The following DST variants were observed in gnomAD, a reference collection of about 807,000 sequenced individuals.
The protein encoded by DST is dystonin.
Under a neutral mutation model 875.2 loss-of-function variants are expected in DST, and 253 were observed. That is an observed-to-expected ratio of 0.29 (90% CI 0.26 to 0.32). The LOEUF is 0.32. Ranked by LOEUF, DST falls within the 10% of genes least tolerant of loss-of-function variation. The pLI is 1.00. For missense variants in DST, 8,287 were observed against 9,111.6 expected, an observed-to-expected ratio of 0.91 and a Z score of 3.68; for synonymous variants, 3,124 against 3,197.1, an observed-to-expected ratio of 0.98 and a Z score of 0.77.
At position 56,572,931 on chromosome 6, in the gene DST, C is replaced by T. The variant is rs776588668; in HGVS notation, c.13370G>A (p.Arg4457Gln). Residue 4457 changes from arginine to glutamine, a missense_variant, in exon 52 of 104, where the codon CGG becomes CAG. Arg to Gln is a conservative substitution (Grantham distance 43, BLOSUM62 1). Around this residue, in one of 10 missense-constraint regions of DST, gnomAD observed 1,513 missense variants for 1,677.8 expected, o/e 0.90. Coordinates refer to ENST00000680361, the MANE Select transcript of DST (RefSeq NM_001374736.1). Reference sequence around the variant, plus strand: ...GTGTTTATGACTTGCTTCTGAAAACCGAGCAGACAAGTCTTTCATTTTGGC... The same window carrying T: ...GTGTTTATGACTTGCTTCTGAAAACTGAGCAGACAAGTCTTTCATTTTGGC... The part of the protein sequence containing the change: ...LQAKMKDLSA[R>Q]FSEASHKHKE... The T allele has an allele frequency of 2.0e-5, 33 of 1,613,026 alleles. No homozygotes were observed. Among genetic ancestry groups the T allele is most frequent in the South Asian group, 4.4e-5 (4 of 90,970 alleles).
intron 12 of DST, among the ~76,000 whole-genome samples, chr6:56,650,392 C>G (rs1407599564): frequency 7.1e-6 from 1 of 140,408 alleles, no homozygotes; most frequent in East Asian, 2.2e-4. Flanking sequence ...AAATAGTAGA[C>G]TAATAAACAG....
At chr6:56,521,278 T>C (rs9475713) in intron 69 of DST, among the ~76,000 whole-genome samples, 100,193 of 151,452 alleles carry the variant, frequency 0.66, 33,619 homozygotes, top group Non-Finnish European at 0.7. Context: ...CCTTTCTACC[T>C]GAGTGTAAAT....
chr6:56,549,739 G>A lies in DST; in HGVS notation c.16608+2445C>T, dbSNP rs145996725. ...GTTTTATAGAACATGTTCCTTAAGTGGGTGTTCTTGGTATTTTGGATTAAA... is the reference window on the plus strand; with the variant it reads ...GTTTTATAGAACATGTTCCTTAAGTAGGTGTTCTTGGTATTTTGGATTAAA... On this transcript the variant is annotated intron_variant, in intron 61 of 103. Coordinates refer to ENST00000680361, the MANE Select transcript of DST (RefSeq NM_001374736.1). 1.9e-3 allele frequency among the ~76,000 whole-genome samples: 282 copies of A among 152,242 alleles called. 2 individuals are homozygous for A. The highest frequency in any genetic ancestry group is 6.1e-3 in the African/African-American group (252 of 41,538).
Position 56,947,193 on chromosome 6 carries a change from A to G in DST, c.216+6592T>C, listed in dbSNP as rs1258977029. On this transcript the variant is annotated intron_variant, in intron 2 of 103. Coordinates refer to ENST00000680361, the MANE Select transcript of DST (RefSeq NM_001374736.1). ...CCCTGGGTGAAAGAAGAGTGATTGG[A>G]CGGTTTTGTTATAGTTGCTGGAAAA... Among the ~76,000 whole-genome samples, 7 of 151,010 alleles carry G rather than the reference A, an allele frequency of 4.6e-5. No individual in the cohort carries two copies. The East Asian group carries it at 1.4e-3, about 29-fold the overall frequency.
chr6:56,655,912 G>T (rs2099005409), intron 10 of DST, among the ~76,000 whole-genome samples: 1 of 152,102 alleles, frequency 6.6e-6, no homozygotes, highest in African/African-American at 2.4e-5. Context: ...TTGAACCATG[G>T]GCTTCCTGAA....
At position 56,755,543 on chromosome 6, in the gene DST, T is replaced by C. The variant is rs574557367; in HGVS notation, c.626-20254A>G. ...GAGGTACTACTCAATGAGAGCAGCT[T>C]ATCCTTATCACTGATCTCGTAATCA... is the stretch of plus-strand genomic sequence containing the variant. On this transcript the variant is annotated intron_variant, in intron 4 of 103. Coordinates refer to ENST00000680361, the MANE Select transcript of DST (RefSeq NM_001374736.1). 7.2e-5 allele frequency among the ~76,000 whole-genome samples: 11 copies of C among 152,328 alleles called. No individual in the cohort carries two copies. In the South Asian group the frequency reaches 2.3e-3, roughly 32 times the overall value.
intron 67 of DST, among the ~76,000 whole-genome samples, 154 bp downstream of exon 67, chr6:56,528,687 C>T (rs1022398631): frequency 4.1e-4 from 62 of 152,164 alleles, no homozygotes; most frequent in African/African-American, 1.4e-3. Context: ...ATCCTAACCA[C>T]CCCCTTGATT....
intron 2 of DST, among the ~76,000 whole-genome samples, chr6:56,936,735 C>A (rs536453714): frequency 1.3e-5 from 2 of 151,742 alleles, no homozygotes; most frequent in African/African-American, 2.4e-5. Flanking sequence ...AAAGGGAATC[C>A]GAAAGTACTA....
At chr6:56,927,531 A>G (rs1193959269) in intron 2 of DST, among the ~76,000 whole-genome samples, 1 of 152,220 alleles carries the variant, frequency 6.6e-6, no homozygotes, top group Non-Finnish European at 1.5e-5. Flanking sequence ...TAGAATCAGT[A>G]GTGCATTAAA....
chr6:56,669,057 C>G (rs2099086155), intron 10 of DST, among the ~76,000 whole-genome samples: 1 of 151,748 alleles, frequency 6.6e-6, no homozygotes, highest in African/African-American at 2.4e-5. Context: ...ATAACAATTC[C>G]TGCTTTATGA....
At chr6:56,824,781 T>C (rs1376835950) in intron 4 of DST, among the ~76,000 whole-genome samples, 2 of 150,782 alleles carry the variant, frequency 1.3e-5, no homozygotes, top group African/African-American at 4.9e-5. Context: ...AGCTGCCCCG[T>C]CTGAGAAGTG....
intron 3 of DST, among the ~76,000 whole-genome samples, chr6:56,886,646 A>G (rs1404437054): frequency 2.0e-5 from 3 of 152,076 alleles, no homozygotes; most frequent in Non-Finnish European, 2.9e-5. Context: ...GTGGTGGCAC[A>G]TGCCTGTAAT....
intron 72 of DST, among the ~76,000 whole-genome samples, chr6:56,514,051 T>G (rs2096539885): frequency 6.6e-6 from 1 of 152,224 alleles, no homozygotes; most frequent in Non-Finnish European, 1.5e-5. Context: ...CTACAAAGTT[T>G]TGTACCTCCC....
In DST at chr6:56,494,194, C is replaced by CAATTTATATCACTTTATAAAAGTAACA; in HGVS notation, c.20224-15_20224-14insTGTTACTTTTATAAAGTGATATAAATT. The CAATTTATATCACTTTATAAAAGTAACA allele has an allele frequency of 6.3e-7, 1 of 1,586,178 alleles. No homozygotes were observed. Among genetic ancestry groups the CAATTTATATCACTTTATAAAAGTAACA allele is most frequent in the Non-Finnish European group, 8.6e-7 (1 of 1,165,418 alleles). ...AGCACAGACTTCCTAAATTGAGATA[C>CAATTTATATCACTTTATAAAAGTAACA]CCTCAAGTTATATCACTTTAAGAAA... On this transcript the variant is annotated splice_polypyrimidine_tract_variant and intron_variant, in intron 82 of 103. Transcript: ENST00000680361.
chr6:56,853,539 GTGAGATTATATTTCTTGTTACC>G lies in DST; in HGVS notation c.418-1957_418-1936del, dbSNP rs374537686. On this transcript the variant is annotated intron_variant, in intron 3 of 103. Transcript: ENST00000680361. ...CCTTATTTAAGGTCATCCTTTATCT[GTGAGATTATATTTCTTGTTACC>G]TGTACTATTTTAGTGAGGATAGTAA... Among the ~76,000 whole-genome samples the G allele has an allele frequency of 3.3e-3, 501 of 152,214 alleles. 2 individuals are homozygous for G. Among genetic ancestry groups the G allele is most frequent in the African/African-American group, 0.012 (486 of 41,518 alleles).
chr6:56,609,402 T>C, intron 39 of DST, 58 bp from the exon 40 acceptor site: 1 of 1,240,840 alleles, frequency 8.1e-7, no homozygotes, highest in Non-Finnish European at 1.1e-6. Flanking sequence ...GGGCGGAGTT[T>C]CATGCAACTT....
intron 10 of DST, among the ~76,000 whole-genome samples, chr6:56,660,229 G>A (rs186528633): frequency 6.6e-6 from 1 of 152,304 alleles, no homozygotes; most frequent in Non-Finnish European, 1.5e-5. Context: ...GTGGGGACAT[G>A]CACAGACAAA....
intron 58 of DST, among the ~76,000 whole-genome samples, chr6:56,557,919 A>G (rs956646079): frequency 6.6e-6 from 1 of 152,124 alleles, no homozygotes; most frequent in Non-Finnish European, 1.5e-5. Context: ...CCAAATTTGT[A>G]TATCTATCCC....
chr6:56,791,402 AG>A (rs1554764467), intron 4 of DST, among the ~76,000 whole-genome samples: 1 of 152,246 alleles, frequency 6.6e-6, no homozygotes, highest in Non-Finnish European at 1.5e-5. Flanking sequence ...GCTGGGAACC[AG>A]GGATATAAAA....
Sources: allele counts gnomAD v4.1 joint callset (sites outside exome capture counted in the v4.1 genomes callset), GRCh38; gene constraint gnomAD v4.1.1; regional missense constraint gnomAD v4.1.1; transcripts MANE v1.5; gene names NCBI Gene and HGNC (gene_info 2026-07-23, HGNC 2026-07-21).